GNA12: variants seen among roughly 807,000 people sequenced by gnomAD.
GNA12 encodes G protein subunit alpha 12, also known as guanine nucleotide-binding protein subunit alpha-12.
GNA12 carries 9 observed loss-of-function variants against 26.0 expected under a neutral mutation model. The observed-to-expected ratio is 0.35, with a 90% CI of 0.21 to 0.60. The LOEUF (loss-of-function observed/expected upper bound fraction) is 0.60, where lower values mean the gene tolerates loss of function less well. GNA12 is among the 20% of genes least tolerant of loss of function. The pLI, the probability that GNA12 is intolerant of heterozygous loss-of-function variation, is 0.78. For synonymous variants in GNA12, 264 were observed against 219.6 expected (o/e 1.20, Z -1.79); for missense variants, 405 against 525.8 (o/e 0.77, Z 2.25).
intron 1 of GNA12, among the ~76,000 whole-genome samples, chr7:2,829,232 T>G (rs1793548939): frequency 6.6e-6 from 1 of 152,192 alleles, no homozygotes; most frequent in African/African-American, 2.4e-5. Context: ...CAGTTTAAAA[T>G]CAGGCACACA....
At position 2,767,203 on chromosome 7, in the gene GNA12, T is replaced by TG. The variant is rs1361344881; in HGVS notation, c.525+27724dup. Among the ~76,000 whole-genome samples, 5 of 152,230 alleles carry TG rather than the reference T, an allele frequency of 3.3e-5. 1 individual carries two copies. The highest frequency in any genetic ancestry group is 4.1e-4 in the South Asian group (2 of 4,830). On this transcript the variant is annotated intron_variant, in intron 2 of 3. Coordinates refer to ENST00000275364, the MANE Select transcript of GNA12 (RefSeq NM_007353.3). ...TTTATAGGCTGCCTTCTCACTCTGT[T>TG]GATTGTGTCCCTGTACCCACAAAAA...
intron 2 of GNA12, among the ~76,000 whole-genome samples, chr7:2,773,484 C>T (rs1221667065): frequency 6.6e-6 from 1 of 152,146 alleles, no homozygotes; most frequent in Non-Finnish European, 1.5e-5. Flanking sequence ...ATTGCTTGAA[C>T]CCGGGAGGCA....
chr7:2,776,024 T>C (rs1175968519), intron 2 of GNA12, among the ~76,000 whole-genome samples: 1 of 152,260 alleles, frequency 6.6e-6, no homozygotes, highest in Non-Finnish European at 1.5e-5. Context: ...CTGGCAAGTA[T>C]AGCCCTGGGG....
At chr7:2,780,066 A>ATATATG (rs1792188382) in intron 2 of GNA12, among the ~76,000 whole-genome samples, 1 of 121,804 alleles carries the variant, frequency 8.2e-6, no homozygotes, top group Non-Finnish European at 1.7e-5. Context: ...ATATATATAT[A>ATATATG]TATATATATA....
At chr7:2,748,380 G>A (rs1475173532) in intron 2 of GNA12, among the ~76,000 whole-genome samples, 1 of 152,160 alleles carries the variant, frequency 6.6e-6, no homozygotes, top group Non-Finnish European at 1.5e-5. Flanking sequence ...TCTGATCTTT[G>A]ACAAACCTGA....
chr7:2,728,380 T>C lies in GNA12; in HGVS notation c.*2801A>G, dbSNP rs1396179765. The C allele has an allele frequency of 6.6e-6, 1 of 152,308 alleles. No homozygotes were observed. Among genetic ancestry groups the C allele is most frequent in the Non-Finnish European group, 1.5e-5 (1 of 68,036 alleles). 9.4% of individuals were successfully genotyped at this position (152,308 alleles called of 1,614,324 possible). On this transcript the variant is annotated 3_prime_UTR_variant, in exon 4 of 4. Coordinates refer to ENST00000275364, the MANE Select transcript of GNA12 (RefSeq NM_007353.3). ...TTGGAGTTAACAATCTGACTTATTT[T>C]TCTTTTATCAAAGAAGTAGGAAAAT...
chr7:2,744,352 G>C (rs1379757461), intron 2 of GNA12, among the ~76,000 whole-genome samples: 1 of 152,198 alleles, frequency 6.6e-6, no homozygotes, highest in African/African-American at 2.4e-5. Context: ...AGCAGCATTT[G>C]TGGGTCACCA....
At chr7:2,775,863 C>T (rs1485664923) in intron 2 of GNA12, among the ~76,000 whole-genome samples, 1 of 152,202 alleles carries the variant, frequency 6.6e-6, no homozygotes, top group African/African-American at 2.4e-5. Flanking sequence ...ACTACCTGGA[C>T]AGGTTACCCA....
chr7:2,772,193 A>G (rs80043072), intron 2 of GNA12, among the ~76,000 whole-genome samples: 1 of 152,380 alleles, frequency 6.6e-6, no homozygotes, highest in East Asian at 1.9e-4. Flanking sequence ...AAAATGACCA[A>G]CAACCCAACA....
chr7:2,805,409 C>A (rs1792921978), intron 1 of GNA12, among the ~76,000 whole-genome samples: 1 of 151,624 alleles, frequency 6.6e-6, no homozygotes, highest in Non-Finnish European at 1.5e-5. Flanking sequence ...TAGAGATTTT[C>A]TTTTTTTTTG....
chr7:2,766,433 T>C (rs1791805866), intron 2 of GNA12, among the ~76,000 whole-genome samples: 1 of 150,546 alleles, frequency 6.6e-6, no homozygotes, highest in South Asian at 2.1e-4. Flanking sequence ...GTCGCCAGGC[T>C]GGAGTGCAGT....
chr7:2,830,745 G>C (rs183102602), intron 1 of GNA12, among the ~76,000 whole-genome samples: 2 of 152,266 alleles, frequency 1.3e-5, no homozygotes, highest in Admixed American at 1.3e-4. Context: ...TTACTCGGAG[G>C]ATCAAAGACA....
chr7:2,791,016 A>G (rs1449647137), intron 2 of GNA12, among the ~76,000 whole-genome samples: 2 of 152,226 alleles, frequency 1.3e-5, no homozygotes, highest in Non-Finnish European at 2.9e-5. Context: ...GGTATACTCA[A>G]AAGTAGATAA....
intron 2 of GNA12, among the ~76,000 whole-genome samples, chr7:2,745,331 C>T (rs1049856771): frequency 2.6e-5 from 4 of 152,244 alleles, no homozygotes; most frequent in African/African-American, 9.6e-5. Context: ...TTGGCAGAAA[C>T]TCTGCAAGCC....
intron 2 of GNA12, among the ~76,000 whole-genome samples, chr7:2,750,811 G>T (rs1056430709): frequency 1.3e-5 from 2 of 152,190 alleles, no homozygotes; most frequent in Non-Finnish European, 2.9e-5. Context: ...TACAAAGTGA[G>T]GCCTCAGAAC....
At chr7:2,825,867 C>T (rs1387897891) in intron 1 of GNA12, among the ~76,000 whole-genome samples, 1 of 145,884 alleles carries the variant, frequency 6.9e-6, no homozygotes, top group Non-Finnish European at 1.5e-5. Context: ...ATTCCCACCA[C>T]CCAGGGGACA....
At chr7:2,789,187 G>A (rs977000387) in intron 2 of GNA12, among the ~76,000 whole-genome samples, 1 of 114,822 alleles carries the variant, frequency 8.7e-6, no homozygotes, top group African/African-American at 3.4e-5. Flanking sequence ...CCAGGCTGGA[G>A]TGCAGTGGCG....
At chr7:2,783,649 C>CATCTATTTATTT (rs1554259965) in intron 2 of GNA12, among the ~76,000 whole-genome samples, 3 of 138,630 alleles carry the variant, frequency 2.2e-5, no homozygotes, top group Non-Finnish European at 3.1e-5. Context: ...GGCTGTAACA[C>CATCTATTTATTT]ATTTATTTAT....
At chr7:2,801,226 C>T (rs1354943296) in intron 1 of GNA12, among the ~76,000 whole-genome samples, 2 of 152,082 alleles carry the variant, frequency 1.3e-5, no homozygotes, top group African/African-American at 4.8e-5. Context: ...AAATTGGGTC[C>T]GACCCACCAG....
Sources: allele counts gnomAD v4.1 joint callset (sites outside exome capture counted in the v4.1 genomes callset), GRCh38; gene constraint gnomAD v4.1.1; transcripts MANE v1.5; gene names NCBI Gene and HGNC (gene_info 2026-07-23, HGNC 2026-07-21).